Variants in RBPJ observed in about 807,000 individuals in gnomAD.
RBPJ encodes recombining binding protein suppressor of hairless.
RBPJ carries 9 observed loss-of-function variants against 67.8 expected under a neutral mutation model. The ratio of observed to expected loss-of-function variants is 0.13; its 90% CI spans 0.08 to 0.23. The LOEUF (loss-of-function observed/expected upper bound fraction) is 0.23. Among genes scored for constraint, RBPJ ranks in the 10% least tolerant of loss-of-function variants. RBPJ has a pLI of 1.00. For synonymous variants in RBPJ, 198 were observed against 203.3 expected (o/e 0.97, Z 0.22); for missense variants, 305 against 595.6 (o/e 0.51, Z 5.08).
chr4:26,109,444 CTCTCTCTCTCTCTCTCTATATA>C, the RBPJ span, among the ~76,000 whole-genome samples: 39 of 28,416 alleles, frequency 1.4e-3, 3 homozygotes, highest in Admixed American at 8.0e-3. Flanking sequence ...CTCTCTCTCT[CTCTCTCTCTCTCTCTCTATATA>C]TATATATATA....
intron 1 of RBPJ, among the ~76,000 whole-genome samples, chr4:26,328,900 T>A (rs1723931670): frequency 6.6e-6 from 1 of 152,252 alleles, no homozygotes; most frequent in African/African-American, 2.4e-5. Context: ...TCCTTCTGCC[T>A]TGGTCTCCCA....
chr4:26,272,226 A>G (rs1720938951), intron 1 of RBPJ, among the ~76,000 whole-genome samples: 1 of 152,196 alleles, frequency 6.6e-6, no homozygotes, highest in Non-Finnish European at 1.5e-5. Context: ...GATAAAACTG[A>G]GATATTTGCA....
intron 2 of RBPJ, among the ~76,000 whole-genome samples, chr4:26,392,125 C>T (rs574967756): frequency 6.4e-4 from 97 of 152,260 alleles, no homozygotes; most frequent in Admixed American, 1.2e-3. Flanking sequence ...CACTTTTTAG[C>T]AGTTAGATAC....
chr4:26,170,207 G>A (rs764352436), intron 1 of RBPJ, among the ~76,000 whole-genome samples: 3 of 152,110 alleles, frequency 2.0e-5, no homozygotes, highest in East Asian at 1.9e-4. Flanking sequence ...GTTCCTATTC[G>A]GCCATCTTGG....
At chr4:26,195,481 T>G (rs1235596992) in intron 1 of RBPJ, among the ~76,000 whole-genome samples, 1 of 152,224 alleles carries the variant, frequency 6.6e-6, no homozygotes, top group Non-Finnish European at 1.5e-5. Flanking sequence ...TGATAAGTTT[T>G]AAAGCTAAAA....
At chr4:26,268,723 T>A (rs1402685818) in intron 1 of RBPJ, among the ~76,000 whole-genome samples, 1 of 151,684 alleles carries the variant, frequency 6.6e-6, no homozygotes, top group Non-Finnish European at 1.5e-5. Flanking sequence ...TTGTCTAAGG[T>A]CAAGCCTGGC....
At chr4:26,385,899 C>T (rs569514995) in intron 1 of RBPJ, among the ~76,000 whole-genome samples, 3 of 152,046 alleles carry the variant, frequency 2.0e-5, no homozygotes, top group Non-Finnish European at 2.9e-5. Flanking sequence ...AACCCTTGGG[C>T]TCAGTCTCTT....
the RBPJ span, among the ~76,000 whole-genome samples, chr4:26,143,416 A>G: frequency 4.6e-5 from 7 of 152,204 alleles, no homozygotes; most frequent in Non-Finnish European, 1.0e-4. Flanking sequence ...CCAATGAATG[A>G]CTTCCAGGGC....
chr4:26,350,855 A>G (rs1726722775), intron 1 of RBPJ, among the ~76,000 whole-genome samples: 2 of 152,188 alleles, frequency 1.3e-5, no homozygotes, highest in Non-Finnish European at 2.9e-5. Context: ...ATGAGGCTAC[A>G]TATAAATGAA....
chr4:26,299,902 G>T (rs1722021099), intron 1 of RBPJ, among the ~76,000 whole-genome samples: 1 of 151,846 alleles, frequency 6.6e-6, no homozygotes, highest in African/African-American at 2.4e-5. Context: ...TGTTGGCAAA[G>T]CTGGTCTCCT....
chr4:26,217,977 A>C (rs1380519025), intron 1 of RBPJ, among the ~76,000 whole-genome samples: 1 of 152,190 alleles, frequency 6.6e-6, no homozygotes, highest in Non-Finnish European at 1.5e-5. Context: ...AGAGAGGAAA[A>C]ACAAAACAGA....
the RBPJ span, among the ~76,000 whole-genome samples, chr4:26,124,161 T>A: frequency 9.2e-5 from 14 of 151,790 alleles, no homozygotes; most frequent in Admixed American, 9.2e-4. Context: ...AGCCGAGCAG[T>A]ATACCCTGCA....
At chr4:26,344,425 CG>C (rs1195846055) in intron 1 of RBPJ, among the ~76,000 whole-genome samples, 1 of 150,192 alleles carries the variant, frequency 6.7e-6, no homozygotes, top group Admixed American at 6.6e-5. Flanking sequence ...TTAGTAGAGA[CG>C]GGGTTTCACC....
intron 1 of RBPJ, chr4:26,272,604 TAAA>T (rs1244794420): frequency 2.4e-6 from 1 of 416,990 alleles, no homozygotes; most frequent in Non-Finnish European, 4.7e-6. Flanking sequence ...AAAAAATAAA[TAAA>T]AAACAAAACT....
At chr4:26,297,285 A>T (rs1233352473) in intron 1 of RBPJ, among the ~76,000 whole-genome samples, 1 of 152,110 alleles carries the variant, frequency 6.6e-6, no homozygotes. Flanking sequence ...CCGGGGTGAC[A>T]GAGTGAGACC....
At chr4:26,252,061 CTA>C (rs1220502398) in intron 1 of RBPJ, among the ~76,000 whole-genome samples, 1 of 149,274 alleles carries the variant, frequency 6.7e-6, no homozygotes, top group East Asian at 1.9e-4. Context: ...TATGTAAAAA[CTA>C]TAACAAGTTT....
chr4:26,216,631 G>T (rs1182368816), intron 1 of RBPJ, among the ~76,000 whole-genome samples: 1 of 152,072 alleles, frequency 6.6e-6, no homozygotes, highest in Non-Finnish European at 1.5e-5. Flanking sequence ...GGGGAGGATT[G>T]AGGGCGAGCA....
At chr4:26,338,241 T>A (rs13148482) in intron 1 of RBPJ, among the ~76,000 whole-genome samples, 2 of 147,428 alleles carry the variant, frequency 1.4e-5, no homozygotes, top group Admixed American at 6.8e-5. Context: ...CTGCAACCTC[T>A]GCCTCCCGGA....
chr4:26,413,544 TAATA>T (rs1336638511), intron 3 of RBPJ, among the ~76,000 whole-genome samples: 5 of 152,242 alleles, frequency 3.3e-5, no homozygotes, highest in Non-Finnish European at 7.3e-5. Flanking sequence ...ACTCAGGATA[TAATA>T]AATAATTTGG....
Sources: allele counts gnomAD v4.1 joint callset (sites outside exome capture counted in the v4.1 genomes callset), GRCh38; gene constraint gnomAD v4.1.1; transcripts MANE v1.5; gene names NCBI Gene and HGNC (gene_info 2026-07-23, HGNC 2026-07-21).